Variants in RHOBTB2 observed in about 807,000 individuals in gnomAD.
RHOBTB2 encodes rho-related BTB domain-containing protein 2.
RHOBTB2 carries 39 observed loss-of-function variants against 66.5 expected under a neutral mutation model. The observed-to-expected ratio is 0.59, with a 90% CI of 0.45 to 0.77. The LOEUF is 0.77. Ranked by LOEUF, RHOBTB2 falls within the 30% of genes least tolerant of loss-of-function variation. The pLI is 0.00. For missense variants in RHOBTB2, 755 were observed against 999.1 expected, an observed-to-expected ratio of 0.76 and a Z score of 3.29; for synonymous variants, 390 against 395.0, an observed-to-expected ratio of 0.99 and a Z score of 0.15.
chr8:23,003,895 A>C, intron 1 of RHOBTB2: 1 of 184,982 alleles, frequency 5.4e-6, no homozygotes, highest in Non-Finnish European at 1.1e-5. Flanking sequence ...ACCACCAGAG[A>C]GGGCAAGGGA....
At chr8:22,976,860 A>C in the RHOBTB2 span, among the ~76,000 whole-genome samples, 1 of 151,696 alleles carries the variant, frequency 6.6e-6, no homozygotes, top group African/African-American at 2.4e-5. Flanking sequence ...TCCTGATCTC[A>C]AATGATCCAC....
At chr8:23,009,758 G>C (rs1397929747) in intron 6 of RHOBTB2, among the ~76,000 whole-genome samples, 1 of 152,212 alleles carries the variant, frequency 6.6e-6, no homozygotes, top group Non-Finnish European at 1.5e-5. Context: ...TTGGGAGTTG[G>C]TCTCTGAAGT....
At chr8:23,013,205 A>T (rs147283590) in intron 7 of RHOBTB2, among the ~76,000 whole-genome samples, 3 of 152,164 alleles carry the variant, frequency 2.0e-5, no homozygotes, top group African/African-American at 7.2e-5. Flanking sequence ...AAGTGCTGTG[A>T]TTACAGGCGT....
intron 7 of RHOBTB2, among the ~76,000 whole-genome samples, chr8:23,013,076 G>A (rs143919447): frequency 6.6e-6 from 1 of 152,038 alleles, no homozygotes; most frequent in Admixed American, 6.5e-5. Context: ...TGGGATTACA[G>A]GCGTGAGCCA....
the RHOBTB2 span, among the ~76,000 whole-genome samples, chr8:22,970,431 T>C: frequency 6.6e-6 from 1 of 152,100 alleles, no homozygotes; most frequent in Non-Finnish European, 1.5e-5. Flanking sequence ...GTTCAGACCA[T>C]AGCATACACC....
intron 6 of RHOBTB2, among the ~76,000 whole-genome samples, chr8:23,009,850 G>A (rs183588514): frequency 6.9e-4 from 105 of 152,256 alleles, no homozygotes; most frequent in Admixed American, 6.5e-4. Context: ...GGCACTTCTC[G>A]GTACTGTAGA....
At position 23,006,970 on chromosome 8, in the gene RHOBTB2, T is replaced by G; in HGVS notation, c.725T>G (p.Ile242Ser). ...PFLPPKPPPP[I>S]IVVPDPPSSS... The stretch of plus-strand genomic sequence containing the variant: ...CTACCCCCCAAGCCACCGCCCCCGA[T>G]CATCGTGGTGCCCGACCCTCCCTCC... Residue 242 changes from isoleucine to serine, a missense_variant, in exon 5 of 10, where the codon ATC becomes AGC. Ile to Ser is a moderately radical substitution (Grantham distance 142, BLOSUM62 -2). Around this residue, in one of 7 missense-constraint regions of RHOBTB2, gnomAD observed 247 missense variants for 238.9 expected, o/e 1.03. Coordinates refer to ENST00000251822, the MANE Select transcript of RHOBTB2 (RefSeq NM_015178.3). This position sits in a 1 kb window ranked among gnomAD's most constrained non-coding sequence, Gnocchi z 6.1. 2.5e-6 allele frequency: 4 copies of G among 1,610,846 alleles called. No homozygotes were observed. Among genetic ancestry groups the G allele is most frequent in the Non-Finnish European group, 3.4e-6 (4 of 1,179,844 alleles).
At position 23,004,667 on chromosome 8, in the gene RHOBTB2, A is replaced by C; in HGVS notation, c.192+41A>C. Reference sequence around the variant, plus strand: ...TACCTGGCTGGGGGTCCACGCCATGAGTCTGGGCTTGGGGGCTTCCTGAGG... The same window carrying C: ...TACCTGGCTGGGGGTCCACGCCATGCGTCTGGGCTTGGGGGCTTCCTGAGG... On this transcript the variant is annotated intron_variant, in intron 2 of 9. Transcript: ENST00000251822. This position sits in a 1 kb window ranked among gnomAD's most constrained non-coding sequence, Gnocchi z 6.4. 6.4e-7 allele frequency: 1 copy of C among 1,568,776 alleles called. No homozygotes were observed. Among genetic ancestry groups the C allele is most frequent in the Non-Finnish European group, 8.7e-7 (1 of 1,154,738 alleles).
rs772396765 is a variant in RHOBTB2 at position 23,006,743 on chromosome 8, T to C, written c.498T>C (p.Asn166=). The change falls in exon 5 of 10, where the codon AAT becomes AAC. Residue 166 remains asparagine (N), a synonymous_variant. Transcript: ENST00000251822. The surrounding 1 kb of genome is among the most constrained non-coding windows in gnomAD (Gnocchi z 6.1). Reference sequence around the variant, plus strand: ...AACCTACCAGGCCCATCAAACCTAATGAAATCCTGCCCCCAGAGAAGGGTC... The same window carrying C: ...AACCTACCAGGCCCATCAAACCTAACGAAATCCTGCCCCCAGAGAAGGGTC... ...RRPLARPIKP[N]EILPPEKGRE... is the part of the protein sequence containing the mutation. The C allele has an allele frequency of 6.2e-7, 1 of 1,612,120 alleles. No homozygotes were observed. Among genetic ancestry groups the C allele is most frequent in the Non-Finnish European group, 8.5e-7 (1 of 1,178,604 alleles).
chr8:22,999,782 C>G lies in RHOBTB2; in HGVS notation c.-334C>G, dbSNP rs941241015. 2.0e-6 allele frequency: 2 copies of G among 985,152 alleles called. No individual in the cohort carries two copies. Among genetic ancestry groups the G allele is most frequent in the African/African-American group, 1.8e-5 (1 of 56,950 alleles). 61.0% of individuals were successfully genotyped at this position (985,152 alleles called of 1,614,324 possible). A position where few individuals can be genotyped will look rare whatever the true frequency, so the allele number is the denominator to read the frequency against. On this transcript the variant is annotated 5_prime_UTR_variant, in exon 1 of 10. Transcript: ENST00000251822. ...CTCTCCCGGCGCCCCTGCGCGCCGC[C>G]CGCTGCCTCCGCAGCCCGGCTCCGC... is the stretch of plus-strand genomic sequence containing the variant.
the RHOBTB2 span, among the ~76,000 whole-genome samples, chr8:22,967,585 A>G: frequency 6.7e-6 from 1 of 149,328 alleles, no homozygotes; most frequent in Non-Finnish European, 1.5e-5. Context: ...ACTGGGCGAC[A>G]ATAGCAAAAC....
At chr8:22,981,074 CAACT>C in the RHOBTB2 span, among the ~76,000 whole-genome samples, 32 of 152,144 alleles carry the variant, frequency 2.1e-4, 1 homozygote, top group Admixed American at 2.1e-3. Flanking sequence ...TTTAAACCAC[CAACT>C]GATTTGTCTC....
rs112412156 is a variant in RHOBTB2, at chr8:22,989,670, G to A, written c.-137+2107G>A. On this transcript the variant is annotated intron_variant, in intron 1 of 11. Coordinates refer to the RHOBTB2 transcript ENST00000519685. ...AAGCAAGAGGAAACTGAAGGCCAGA[G>A]GTAAAAGCTGGCATCAGAACCACAG... Among the ~76,000 whole-genome samples, 745 of 152,296 alleles carry A rather than the reference G, an allele frequency of 4.9e-3. 4 individuals are homozygous for A. The highest frequency in any genetic ancestry group is 0.017 in the African/African-American group (707 of 41,554).
Position 23,006,729 on chromosome 8 carries a change from C to A in RHOBTB2, c.484C>A (p.Pro162Thr), listed in dbSNP as rs1287149904. 1.9e-6 allele frequency: 3 copies of A among 1,607,880 alleles called. No homozygotes were observed. In the East Asian group the frequency reaches 6.7e-5, roughly 36 times the overall value. Residue 162 changes from proline (P) to threonine (T), a missense_variant and splice_region_variant, in exon 5 of 10, where the codon CCC (proline) becomes ACC (threonine). Transcript: ENST00000251822. This position sits in a 1 kb window ranked among gnomAD's most constrained non-coding sequence, Gnocchi z 6.1. ...TGGTTTCCTTCTTGAACCTACCAGG[C>A]CCATCAAACCTAATGAAATCCTGCC... ...VNRARRPLAR[P>T]IKPNEILPPE...
At chr8:22,960,911 A>T in the RHOBTB2 span, among the ~76,000 whole-genome samples, 1 of 152,176 alleles carries the variant, frequency 6.6e-6, no homozygotes, top group Non-Finnish European at 1.5e-5. Flanking sequence ...GTAGGTTATC[A>T]GCTTCAAACC....
At position 23,017,380 on chromosome 8, in the gene RHOBTB2, C is replaced by T. The variant is rs141989309; in HGVS notation, c.2095C>T (p.Arg699Trp). The T allele has an allele frequency of 4.3e-5, 70 of 1,614,066 alleles. No homozygotes were observed. Among genetic ancestry groups the T allele is most frequent in the Non-Finnish European group, 5.4e-5 (64 of 1,180,038 alleles). ...CCTCCACCTCAAGCGGCAGCCCAAA[C>T]GGCGTTGGCTCTTCTGGAACAGTCC... Reference protein sequence around the residue: ...DYLHLKRQPKRRWLFWNSPSS... With the variant: ...DYLHLKRQPKWRWLFWNSPSS... The change falls in exon 10 of 10, where the codon CGG becomes TGG. Residue 699 changes from arginine (R) to tryptophan (W), a missense_variant. This residue lies in a region of RHOBTB2 where 353 missense variants were observed against 458.2 expected (regional missense o/e 0.77). Coordinates refer to ENST00000251822, the MANE Select transcript of RHOBTB2 (RefSeq NM_015178.3). This position sits in a 1 kb window ranked among gnomAD's most constrained non-coding sequence, Gnocchi z 5.3.
the RHOBTB2 span, among the ~76,000 whole-genome samples, chr8:22,958,829 G>C: frequency 1.2e-3 from 83 of 66,592 alleles, no homozygotes; most frequent in African/African-American, 3.7e-3. Flanking sequence ...AAAAAAAAGA[G>C]GTTGAACATC....
rs149522829 is a variant in RHOBTB2 at position 22,991,427 on chromosome 8, A to C, written c.-136-641A>C. Among the ~76,000 whole-genome samples the C allele has an allele frequency of 4.9e-4, 74 of 152,278 alleles. No homozygotes were observed. In the East Asian group the frequency reaches 0.013, roughly 26 times the overall value. The stretch of plus-strand genomic sequence containing the variant: ...CAGATAAACAAAAGGGAGGAGGAGA[A>C]GTGAGGAGGAAAGAAGGAGAAAAGA... On this transcript the variant is annotated intron_variant, in intron 1 of 11. Coordinates refer to the RHOBTB2 transcript ENST00000519685.
At chr8:22,978,586 T>A in the RHOBTB2 span, among the ~76,000 whole-genome samples, 1 of 150,938 alleles carries the variant, frequency 6.6e-6, no homozygotes, top group Non-Finnish European at 1.5e-5. Flanking sequence ...TTTTTTTTTT[T>A]AGTTTTTTTT....
Sources: gnomAD v4.1 joint callset for allele counts (sites outside exome capture counted in the v4.1 genomes callset) on GRCh38, gnomAD v4.1.1 for gene constraint, gnomAD v4.1.1 regional missense constraint, Gnocchi (gnomAD v3.1) non-coding constraint, MANE v1.5 for transcripts, NCBI Gene and HGNC (gene_info 2026-07-23, HGNC 2026-07-21) for gene names.